The following SYT16 variants were observed in gnomAD, a reference collection of about 807,000 sequenced individuals.
The protein encoded by SYT16 is synaptotagmin-16.
In SYT16, 42 loss-of-function variants were observed where a neutral mutation model predicts 61.4. The observed-to-expected ratio is 0.68, with a 90% CI of 0.53 to 0.89. The LOEUF is 0.89. Ranked by LOEUF, SYT16 falls within the 40% of genes least tolerant of loss-of-function variation. The pLI is 0.00. For synonymous variants in SYT16, 314 were observed against 302.3 expected (o/e 1.04, Z -0.40); for missense variants, 804 against 807.3 (o/e 1.00, Z 0.05).
intron 1 of SYT16, among the ~76,000 whole-genome samples, chr14:61,923,218 C>T (rs1438639062): frequency 6.6e-6 from 1 of 152,152 alleles, no homozygotes; most frequent in African/African-American, 2.4e-5. Context: ...TGGCACCAAA[C>T]TCATTCATAA....
At chr14:61,998,818 A>G (rs1189594488) in intron 3 of SYT16, among the ~76,000 whole-genome samples, 1 of 151,832 alleles carries the variant, frequency 6.6e-6, no homozygotes, top group Non-Finnish European at 1.5e-5. Context: ...GCTCTTTATT[A>G]TGGTGAAGTT....
At chr14:62,020,832 G>A (rs746266894) in intron 3 of SYT16, among the ~76,000 whole-genome samples, 1 of 152,188 alleles carries the variant, frequency 6.6e-6, no homozygotes, top group Non-Finnish European at 1.5e-5. Flanking sequence ...CTGCTTGGCA[G>A]TGACCATGGG....
rs552802163 is a variant in SYT16 at position 61,994,680 on chromosome 14, T to C, written c.-144-1196T>C. ...CCTGAAAGAGCGACACATGAATTAT[T>C]CAGCATAGGGGGGAAATGTGGAGAA... On this transcript the variant is annotated intron_variant, in intron 2 of 7. Transcript: ENST00000683842. 6.4e-4 allele frequency among the ~76,000 whole-genome samples: 98 copies of C among 152,268 alleles called. 1 individual carries two copies. The highest frequency in any genetic ancestry group is 1.9e-3 in the African/African-American group (77 of 41,566).
At chr14:62,084,161 G>A in intron 6 of SYT16, 35 bp from the exon 7 acceptor site, 1 of 1,603,886 alleles carries the variant, frequency 6.2e-7, no homozygotes, top group Middle Eastern at 1.7e-4. Flanking sequence ...AGTGCAGCGT[G>A]GGCCAATGGA....
At chr14:62,088,584 C>A (rs1222445601) in intron 7 of SYT16, among the ~76,000 whole-genome samples, 1 of 152,146 alleles carries the variant, frequency 6.6e-6, no homozygotes, top group East Asian at 1.9e-4. Flanking sequence ...TGGTGAATGG[C>A]ACTGAGCTTT....
chr14:61,886,927 C>T (rs536323336), intron 1 of SYT16, among the ~76,000 whole-genome samples: 20 of 116,664 alleles, frequency 1.7e-4, no homozygotes, highest in South Asian at 8.6e-4. Flanking sequence ...TTATGGAGAA[C>T]GGGGTCTTGC....
intron 2 of SYT16, among the ~76,000 whole-genome samples, chr14:61,973,302 G>A (rs2051641541): frequency 6.6e-6 from 1 of 152,100 alleles, no homozygotes; most frequent in African/African-American, 2.4e-5. Context: ...AAACTGGAAT[G>A]GTGTTTTCCT....
intron 3 of SYT16, among the ~76,000 whole-genome samples, chr14:62,024,261 T>C (rs1349134450): frequency 6.6e-6 from 1 of 152,040 alleles, no homozygotes; most frequent in Admixed American, 6.6e-5. Flanking sequence ...ACTTGATAAG[T>C]GAAAAGTAGT....
chr14:61,859,035 AT>A (rs2046877029), intron 1 of SYT16, among the ~76,000 whole-genome samples: 1 of 148,174 alleles, frequency 6.7e-6, no homozygotes. Context: ...TTTTTTTTGT[AT>A]TTTTAGTAGA....
chr14:62,008,201 C>T (rs2053302276), intron 3 of SYT16, among the ~76,000 whole-genome samples: 1 of 151,900 alleles, frequency 6.6e-6, no homozygotes, highest in African/African-American at 2.4e-5. Flanking sequence ...TTCGCTGGTA[C>T]CCTCTTCCCA....
At chr14:62,059,609 A>G (rs2055724780) in intron 3 of SYT16, among the ~76,000 whole-genome samples, 1 of 150,542 alleles carries the variant, frequency 6.6e-6, no homozygotes, top group Non-Finnish European at 1.5e-5. Flanking sequence ...TTCCTTGGGT[A>G]TTCTATAGTT....
At position 62,107,593 on chromosome 14, in the gene SYT16, A is replaced by G. The variant is rs1249814878; in HGVS notation, c.*6886A>G. The G allele has an allele frequency of 6.6e-6, 1 of 152,228 alleles. No individual in the cohort carries two copies. Among genetic ancestry groups the G allele is most frequent in the Non-Finnish European group, 1.5e-5 (1 of 68,030 alleles). 9.4% of individuals were successfully genotyped at this position (152,228 alleles called of 1,614,324 possible). A position where few individuals can be genotyped will look rare whatever the true frequency, so the allele number is the denominator to read the frequency against. ...CTAGAGTCTGATAAGAAATCTAGGT[A>G]AATAATAAGATCTTTTATTAACCTT... On this transcript the variant is annotated 3_prime_UTR_variant, in exon 8 of 8. Coordinates refer to ENST00000683842, the MANE Select transcript of SYT16 (RefSeq NM_001367656.1).
At chr14:62,039,423 C>T (rs1005209149) in intron 3 of SYT16, among the ~76,000 whole-genome samples, 3 of 152,102 alleles carry the variant, frequency 2.0e-5, no homozygotes, top group Non-Finnish European at 4.4e-5. Context: ...TCCACTTCCA[C>T]ATATTATGTA....
chr14:62,026,372 A>G (rs926057344), intron 3 of SYT16, among the ~76,000 whole-genome samples: 1 of 152,232 alleles, frequency 6.6e-6, no homozygotes, highest in East Asian at 1.9e-4. Flanking sequence ...GGGATATCCA[A>G]GATCAAGGCA....
intron 1 of SYT16, among the ~76,000 whole-genome samples, chr14:61,902,023 G>T (rs866786960): frequency 6.6e-5 from 10 of 152,026 alleles, no homozygotes; most frequent in African/African-American, 2.4e-4. Context: ...TTGGCCTCCC[G>T]AAGTGCTGAG....
intron 1 of SYT16, among the ~76,000 whole-genome samples, chr14:61,859,016 G>A (rs1355090160): frequency 2.8e-5 from 4 of 143,184 alleles, no homozygotes; most frequent in Non-Finnish European, 4.5e-5. Flanking sequence ...CACTACGCCC[G>A]GCTAATTTTT....
chr14:62,083,864 A>T lies in SYT16; in HGVS notation c.1435-332A>T, dbSNP rs1376644612. On this transcript the variant is annotated intron_variant, in intron 6 of 7. Transcript: ENST00000683842. The stretch of plus-strand genomic sequence containing the variant: ...TCCAAGCACAGATTACACAGGGGGG[A>T]ATTTGAGTCTATATTGAATGTATTA... Among the ~76,000 whole-genome samples, 5 of 151,950 alleles carry T rather than the reference A, an allele frequency of 3.3e-5. No individual in the cohort carries two copies. In the East Asian group the frequency reaches 7.8e-4, roughly 24 times the overall value.
intron 3 of SYT16, among the ~76,000 whole-genome samples, chr14:62,051,922 C>G (rs1566800262): frequency 6.6e-6 from 1 of 152,098 alleles, no homozygotes; most frequent in South Asian, 2.1e-4. Context: ...GTCTCAGTTC[C>G]TTGGGAGGCT....
intron 1 of SYT16, among the ~76,000 whole-genome samples, chr14:61,966,217 G>C (rs2051310498): frequency 6.6e-6 from 1 of 151,946 alleles, no homozygotes; most frequent in Non-Finnish European, 1.5e-5. Context: ...ACTTTTTCTT[G>C]TGTCTTTGGA....
Sources: allele counts gnomAD v4.1 joint callset (sites outside exome capture counted in the v4.1 genomes callset), GRCh38; gene constraint gnomAD v4.1.1; transcripts MANE v1.5; gene names NCBI Gene and HGNC (gene_info 2026-07-23, HGNC 2026-07-21).